IFT56: variants seen among roughly 807,000 people sequenced by gnomAD.
IFT56 encodes the protein intraflagellar transport 56.
the IFT56 span, among the ~76,000 whole-genome samples, chr7:139,184,829 C>A: frequency 3.7e-4 from 56 of 150,182 alleles, 1 homozygote; most frequent in African/African-American, 1.4e-3. Context: ...CTGAGGCGGG[C>A]GGATCACAAG....
chr7:139,137,752 G>T, the IFT56 span: 1 of 871,868 alleles, frequency 1.1e-6, no homozygotes. Flanking sequence ...TACTTAGATT[G>T]CCTGTTGTCA....
the IFT56 span, chr7:139,168,534 C>A: frequency 1.5e-6 from 1 of 685,710 alleles, no homozygotes; most frequent in Non-Finnish European, 2.7e-6. Context: ...CCAATCCAGA[C>A]TCCACTGAGA....
At chr7:139,133,783 G>T in the IFT56 span, 2 of 1,602,568 alleles carry the variant, frequency 1.2e-6, no homozygotes, top group Admixed American at 3.3e-5. Context: ...GAGACAGAAC[G>T]TGCTGTGTGG....
At chr7:139,178,592 C>T in the IFT56 span, 121 of 1,613,756 alleles carry the variant, frequency 7.5e-5, no homozygotes, top group South Asian at 5.6e-4. Flanking sequence ...CCAGTGAGGG[C>T]GAAGAGGTGG....
the IFT56 span, among the ~76,000 whole-genome samples, chr7:139,158,493 A>T: frequency 2.6e-5 from 4 of 152,274 alleles, no homozygotes; most frequent in Admixed American, 1.3e-4. Context: ...TTGTAGTGTT[A>T]GTTTGCTAAG....
the IFT56 span, chr7:139,173,648 T>C: frequency 2.6e-6 from 2 of 780,750 alleles, 1 homozygote; most frequent in South Asian, 2.7e-5. Flanking sequence ...ATTCTTTTCT[T>C]CTGGGATATA....
At chr7:139,170,564 TG>T in the IFT56 span, among the ~76,000 whole-genome samples, 1,916 of 152,278 alleles carry the variant, frequency 0.013, 180 homozygotes, top group East Asian at 0.24. Flanking sequence ...TGCAAATCAA[TG>T]GGATACATCA....
chr7:139,171,512 C>T, the IFT56 span, among the ~76,000 whole-genome samples: 1 of 152,080 alleles, frequency 6.6e-6, no homozygotes, highest in Non-Finnish European at 1.5e-5. Flanking sequence ...CAATGGAGCA[C>T]ATTAAGAGAA....
the IFT56 span, among the ~76,000 whole-genome samples, chr7:139,162,087 T>C: frequency 6.6e-6 from 1 of 152,148 alleles, no homozygotes; most frequent in African/African-American, 2.4e-5. Flanking sequence ...AAAAATATGG[T>C]TCCAAAACAG....
At chr7:139,168,724 A>C in the IFT56 span, 1 of 331,252 alleles carries the variant, frequency 3.0e-6, no homozygotes. Context: ...ACTTACATAT[A>C]TCTAGCTATA....
the IFT56 span, among the ~76,000 whole-genome samples, chr7:139,163,438 G>C: frequency 6.6e-6 from 1 of 152,182 alleles, no homozygotes; most frequent in Non-Finnish European, 1.5e-5. Flanking sequence ...CATGGAGCAA[G>C]AGGACAGAAA....
At chr7:139,160,030 T>TATAAAA in the IFT56 span, among the ~76,000 whole-genome samples, 1 of 152,276 alleles carries the variant, frequency 6.6e-6, no homozygotes, top group Non-Finnish European at 1.5e-5. Context: ...AAAGGGATCT[T>TATAAAA]GAGACCAAAA....
the IFT56 span, among the ~76,000 whole-genome samples, chr7:139,135,298 A>C: frequency 2.7e-5 from 3 of 110,540 alleles, no homozygotes; most frequent in East Asian, 1.1e-3. Flanking sequence ...AAAAAAAAAA[A>C]CAAAACAAAA....
the IFT56 span, chr7:139,161,126 C>A: frequency 9.8e-7 from 1 of 1,019,424 alleles, no homozygotes; most frequent in Non-Finnish European, 1.4e-6. Context: ...GCAAGTAATG[C>A]TTTACTCCAA....
chr7:139,137,430 G>A, the IFT56 span, among the ~76,000 whole-genome samples: 2 of 152,198 alleles, frequency 1.3e-5, no homozygotes, highest in Non-Finnish European at 2.9e-5. Flanking sequence ...AGAGCACGGA[G>A]GGTGACAACA....
At chr7:139,171,289 T>A in the IFT56 span, among the ~76,000 whole-genome samples, 1 of 152,138 alleles carries the variant, frequency 6.6e-6, no homozygotes, top group African/African-American at 2.4e-5. Flanking sequence ...GCAAATTCAA[T>A]GCAATCCCTA....
chr7:139,157,580 T>C, the IFT56 span, among the ~76,000 whole-genome samples: 2 of 147,846 alleles, frequency 1.4e-5, no homozygotes, highest in Non-Finnish European at 3.0e-5. Context: ...CATGGCTTAC[T>C]ATAACCTCTG....
chr7:139,176,059 T>C, the IFT56 span, among the ~76,000 whole-genome samples: 1 of 151,824 alleles, frequency 6.6e-6, no homozygotes, highest in African/African-American at 2.4e-5. Flanking sequence ...CCTCAAATGA[T>C]CCACCCACCT....
the IFT56 span, chr7:139,190,722 CT>C: frequency 5.9e-5 from 9 of 152,202 alleles, no homozygotes; most frequent in Non-Finnish European, 1.3e-4. Context: ...TAACATACAA[CT>C]GAGCATTCTT....
Sources: allele counts gnomAD v4.1 joint callset (sites outside exome capture counted in the v4.1 genomes callset), GRCh38; gene constraint gnomAD v4.1.1; transcripts MANE v1.5; gene names NCBI Gene and HGNC (gene_info 2026-07-23, HGNC 2026-07-21).